Variants in COMMD10 observed in about 807,000 individuals in gnomAD.
COMMD10 encodes COMM domain-containing protein 10.
A neutral mutation model predicts 28.9 loss-of-function variants in COMMD10; 33 were observed. That is an observed-to-expected ratio of 1.14 (90% CI 0.87 to 1.53). The LOEUF is 1.53. Among genes scored for constraint, COMMD10 ranks in the 40% most tolerant of loss-of-function variants. The pLI, the probability that COMMD10 is intolerant of heterozygous loss-of-function variation, is 0.00. For synonymous variants in COMMD10, 110 were observed against 81.7 expected (o/e 1.35, Z -1.87); for missense variants, 310 against 233.4 (o/e 1.33, Z -2.14).
At chr5:116,171,078 C>T (rs1051638054) in intron 5 of COMMD10, among the ~76,000 whole-genome samples, 6 of 152,192 alleles carry the variant, frequency 3.9e-5, no homozygotes, top group African/African-American at 1.4e-4. Flanking sequence ...ATTTTGCAAT[C>T]TGTCCATCTG....
chr5:116,256,086 A>G (rs951543469), intron 5 of COMMD10, among the ~76,000 whole-genome samples: 2 of 151,692 alleles, frequency 1.3e-5, no homozygotes, highest in Non-Finnish European at 2.9e-5. Flanking sequence ...AAGTTCCAAA[A>G]GCATTTGAAA....
At chr5:116,252,596 G>T (rs1401647659) in intron 5 of COMMD10, among the ~76,000 whole-genome samples, 1 of 119,292 alleles carries the variant, frequency 8.4e-6, no homozygotes, top group East Asian at 2.4e-4. Flanking sequence ...GTTTGTCAAA[G>T]ATCAGATAGT....
chr5:116,126,365 A>G (rs1373664959), intron 4 of COMMD10, among the ~76,000 whole-genome samples: 1 of 152,180 alleles, frequency 6.6e-6, no homozygotes, highest in Admixed American at 6.5e-5. Flanking sequence ...TAATTTATAG[A>G]TTCAATGCCA....
intron 5 of COMMD10, among the ~76,000 whole-genome samples, chr5:116,291,005 T>G (rs1751345693): frequency 6.6e-6 from 1 of 152,186 alleles, no homozygotes; most frequent in African/African-American, 2.4e-5. Flanking sequence ...GTGTTAATTG[T>G]GAACTTTTGC....
At chr5:116,155,928 TAAC>T (rs1177178846) in intron 5 of COMMD10, among the ~76,000 whole-genome samples, 6 of 152,114 alleles carry the variant, frequency 3.9e-5, no homozygotes, top group Non-Finnish European at 5.9e-5. Context: ...TCAATTATCT[TAAC>T]AAATTGAGGT....
At chr5:116,127,782 G>T (rs901222788) in intron 4 of COMMD10, among the ~76,000 whole-genome samples, 6 of 152,106 alleles carry the variant, frequency 3.9e-5, no homozygotes, top group African/African-American at 1.4e-4. Flanking sequence ...GTCTTGTGGT[G>T]GGGGGAAGGA....
chr5:116,166,003 G>A (rs1113805), intron 5 of COMMD10, among the ~76,000 whole-genome samples: 136,763 of 152,166 alleles, frequency 0.9, 61,612 homozygotes, highest in African/African-American at 0.93. Flanking sequence ...AGGTGGGTCA[G>A]CTATGGTGGC....
chr5:116,086,924 C>T (rs952817988), intron 1 of COMMD10, among the ~76,000 whole-genome samples: 2 of 152,202 alleles, frequency 1.3e-5, no homozygotes, highest in African/African-American at 4.8e-5. Context: ...CTGTAGTGAG[C>T]TGAGATCGTG....
intron 5 of COMMD10, among the ~76,000 whole-genome samples, chr5:116,193,642 C>G (rs1397693847): frequency 6.6e-6 from 1 of 152,050 alleles, no homozygotes; most frequent in African/African-American, 2.4e-5. Context: ...AACATATGCA[C>G]CTAACACTGG....
chr5:116,114,271 G>A (rs1321533705), intron 4 of COMMD10, among the ~76,000 whole-genome samples: 6 of 151,986 alleles, frequency 3.9e-5, no homozygotes, highest in Non-Finnish European at 8.8e-5. Context: ...TGGCTCTTTT[G>A]GATACCAGTT....
At chr5:116,112,592 T>A (rs1751087623) in intron 4 of COMMD10, among the ~76,000 whole-genome samples, 1 of 152,102 alleles carries the variant, frequency 6.6e-6, no homozygotes, top group Admixed American at 6.5e-5. Flanking sequence ...GTAGAGACTG[T>A]CACCATGTTG....
chr5:116,231,446 T>G (rs1170768373), intron 5 of COMMD10, among the ~76,000 whole-genome samples: 2 of 152,232 alleles, frequency 1.3e-5, no homozygotes, highest in Admixed American at 1.3e-4. Context: ...AGAGGACTTC[T>G]GAGGATGCAG....
chr5:116,192,497 T>C (rs941253461), intron 5 of COMMD10, among the ~76,000 whole-genome samples: 19 of 152,236 alleles, frequency 1.2e-4, no homozygotes, highest in African/African-American at 4.6e-4. Flanking sequence ...CAGGAAACTT[T>C]GGACAAACTT....
intron 5 of COMMD10, among the ~76,000 whole-genome samples, chr5:116,291,209 A>G (rs1751350548): frequency 6.6e-6 from 1 of 152,194 alleles, no homozygotes; most frequent in Admixed American, 6.6e-5. Flanking sequence ...GATGAAATAT[A>G]ATCTCATGTA....
rs1463474826 is a variant in COMMD10 at position 116,193,604 on chromosome 5, T to C, written c.510+59426T>C. Among the ~76,000 whole-genome samples the C allele has an allele frequency of 7.9e-5, 12 of 152,144 alleles. 1 individual carries two copies. The highest frequency in any genetic ancestry group is 7.9e-4 in the Admixed American group (12 of 15,274). On this transcript the variant is annotated intron_variant, in intron 5 of 6. Transcript: ENST00000274458. The stretch of plus-strand genomic sequence containing the variant: ...GACATTATGTAATGGTAAAAGGCCT[T>C]GTCCAACAGGAAAATGTCACAATCC...
chr5:116,130,629 A>G (rs775926349), intron 4 of COMMD10, among the ~76,000 whole-genome samples: 1 of 151,970 alleles, frequency 6.6e-6, no homozygotes, highest in South Asian at 2.1e-4. Context: ...ACAAGTTTCT[A>G]TACTTTTCAT....
At chr5:116,248,272 A>C (rs770961992) in intron 5 of COMMD10, among the ~76,000 whole-genome samples, 8 of 151,992 alleles carry the variant, frequency 5.3e-5, no homozygotes, top group Non-Finnish European at 7.4e-5. Context: ...AAATTGACTT[A>C]AGTGTAGCTT....
intron 5 of COMMD10, among the ~76,000 whole-genome samples, chr5:116,165,465 A>T (rs989416024): frequency 2.0e-5 from 3 of 152,166 alleles, no homozygotes; most frequent in Non-Finnish European, 4.4e-5. Flanking sequence ...AAAAACAGAC[A>T]TTTATTTCTC....
rs552281299 is a variant in COMMD10 at position 116,290,536 on chromosome 5, G to A, written c.511-981G>A. 1.7e-3 allele frequency among the ~76,000 whole-genome samples: 255 copies of A among 151,848 alleles called. 2 individuals carry two copies. Among genetic ancestry groups the A allele is most frequent in the African/African-American group, 5.8e-3 (240 of 41,246 alleles). ...AAATGTCGGCTTTGTAAATAGAAAT[G>A]GAAATCATTAAAACAGATAAAAGTG... is the stretch of plus-strand genomic sequence containing the variant. On this transcript the variant is annotated intron_variant, in intron 5 of 6. Coordinates refer to ENST00000274458, the MANE Select transcript of COMMD10 (RefSeq NM_016144.4).
Sources: gnomAD v4.1 joint callset for allele counts (sites outside exome capture counted in the v4.1 genomes callset) on GRCh38, gnomAD v4.1.1 for gene constraint, MANE v1.5 for transcripts, NCBI Gene and HGNC (gene_info 2026-07-23, HGNC 2026-07-21) for gene names.